Variants in SEMA5A observed in about 807,000 individuals in gnomAD.
SEMA5A encodes semaphorin-5A.
A neutral mutation model predicts 135.5 loss-of-function variants in SEMA5A; 55 were observed. That is an observed-to-expected ratio of 0.41 (90% CI 0.33 to 0.51). The LOEUF (loss-of-function observed/expected upper bound fraction) is 0.51. Among genes scored for constraint, SEMA5A ranks in the 20% least tolerant of loss-of-function variants. SEMA5A has a pLI of 0.37. For missense variants in SEMA5A, 1,290 were observed against 1,419.9 expected, an observed-to-expected ratio of 0.91 and a Z score of 1.47; for synonymous variants, 580 against 546.5, an observed-to-expected ratio of 1.06 and a Z score of -0.85.
rs569111003 is a variant in SEMA5A, at chr5:9,318,420, G to A, written c.225-3C>T. The A allele has an allele frequency of 6.2e-7, 1 of 1,610,664 alleles. No individual in the cohort carries two copies. The highest frequency in any genetic ancestry group is 1.1e-5 in the South Asian group (1 of 90,288). On this transcript the variant is annotated splice_polypyrimidine_tract_variant and splice_region_variant and intron_variant, in intron 4 of 22. Coordinates refer to ENST00000382496, the MANE Select transcript of SEMA5A (RefSeq NM_003966.3). Reference sequence around the variant, plus strand: ...GCTGTAACCTGAAGAGGTAGTTTCTGCAAAATACAAAAACAGAGCAGTTTT... The same window carrying A: ...GCTGTAACCTGAAGAGGTAGTTTCTACAAAATACAAAAACAGAGCAGTTTT...
At chr5:9,291,602 A>G (rs546536863) in intron 5 of SEMA5A, among the ~76,000 whole-genome samples, 94 of 119,016 alleles carry the variant, frequency 7.9e-4, no homozygotes, top group African/African-American at 2.4e-3. Flanking sequence ...AGAGAGAGAG[A>G]GAAAGAGAGA....
intron 2 of SEMA5A, among the ~76,000 whole-genome samples, chr5:9,408,315 A>G (rs1179888520): frequency 2.6e-5 from 4 of 152,166 alleles, no homozygotes; most frequent in Non-Finnish European, 5.9e-5. Context: ...TAATCCACTA[A>G]GGCACTCCAG....
At chr5:9,145,802 C>CTTTT (rs397935817) in intron 12 of SEMA5A, among the ~76,000 whole-genome samples, 2 of 138,888 alleles carry the variant, frequency 1.4e-5, no homozygotes, top group African/African-American at 5.4e-5. Flanking sequence ...CCACATCCAG[C>CTTTT]TTTTTTTTTT....
chr5:9,271,344 G>A (rs1206700641), intron 5 of SEMA5A, among the ~76,000 whole-genome samples: 1 of 152,072 alleles, frequency 6.6e-6, no homozygotes, highest in Non-Finnish European at 1.5e-5. Context: ...CCCATTCTCA[G>A]GTAGTTCTTT....
intron 1 of SEMA5A, among the ~76,000 whole-genome samples, chr5:9,473,379 G>A (rs1759548747): frequency 2.3e-4 from 1 of 4,362 alleles, no homozygotes; most frequent in Non-Finnish European, 4.0e-4. Flanking sequence ...ATGGCAATCA[G>A]TGGTAAAAAA....
chr5:9,066,278 G>A, intron 17 of SEMA5A, 143 bp downstream of exon 17: 1 of 740,436 alleles, frequency 1.4e-6, no homozygotes, highest in Non-Finnish European at 2.3e-6. Flanking sequence ...AGTCAGTTGT[G>A]CTCTACAGGG....
At chr5:9,398,998 T>G (rs1336825504) in intron 2 of SEMA5A, among the ~76,000 whole-genome samples, 1 of 152,212 alleles carries the variant, frequency 6.6e-6, no homozygotes, top group African/African-American at 2.4e-5. Flanking sequence ...TTTTTAACTT[T>G]GAAAAATGTG....
intron 1 of SEMA5A, among the ~76,000 whole-genome samples, chr5:9,487,155 C>A (rs1031594940): frequency 6.6e-6 from 1 of 152,024 alleles, no homozygotes; most frequent in Non-Finnish European, 1.5e-5. Context: ...TTCATTTAAG[C>A]CTAAGTAACT....
rs1735762197 is a variant in SEMA5A, at chr5:9,038,294, A to C, written c.*4603T>G. The C allele has an allele frequency of 6.6e-6, 1 of 152,208 alleles. No homozygotes were observed. Among genetic ancestry groups the C allele is most frequent in the African/African-American group, 2.4e-5 (1 of 41,452 alleles). 9.4% of individuals were successfully genotyped at this position (152,208 alleles called of 1,614,324 possible). ...CAGCCCTGCCATGTGGAAAATGGTT[A>C]TGCAGTCGCTGTTAATTTTATCAAC... On this transcript the variant is annotated 3_prime_UTR_variant, in exon 23 of 23. Coordinates refer to ENST00000382496, the MANE Select transcript of SEMA5A (RefSeq NM_003966.3).
rs1259844694 is a variant in SEMA5A, at chr5:9,273,621, A to G, written c.271-35731T>C. Among the ~76,000 whole-genome samples the G allele has an allele frequency of 2.0e-5, 3 of 152,182 alleles. No individual in the cohort carries two copies. In the East Asian group the frequency reaches 5.8e-4, roughly 29 times the overall value. The stretch of plus-strand genomic sequence containing the variant: ...TCAGGTTACCCACAAAGGGAATCCC[A>G]TCAGACTAACAGCAGATCTCGCAGC... On this transcript the variant is annotated intron_variant, in intron 5 of 22. Transcript: ENST00000382496.
chr5:9,344,043 A>G (rs1753759406), intron 3 of SEMA5A, among the ~76,000 whole-genome samples: 1 of 152,214 alleles, frequency 6.6e-6, no homozygotes, highest in African/African-American at 2.4e-5. Flanking sequence ...AAACATGCAC[A>G]TTCATAGATG....
chr5:9,404,256 T>C (rs1295600299), intron 2 of SEMA5A, among the ~76,000 whole-genome samples: 1 of 152,128 alleles, frequency 6.6e-6, no homozygotes, highest in African/African-American at 2.4e-5. Flanking sequence ...TTAAAAGAAT[T>C]ACATATGATT....
rs111542691 is a variant in SEMA5A, at chr5:9,134,946, TA to T, written c.1599+1557del. 5.8e-3 allele frequency among the ~76,000 whole-genome samples: 890 copies of T among 152,282 alleles called. 13 individuals carry two copies. Among genetic ancestry groups the T allele is most frequent in the African/African-American group, 0.02 (829 of 41,566 alleles). On this transcript the variant is annotated intron_variant, in intron 13 of 22. Coordinates refer to ENST00000382496, the MANE Select transcript of SEMA5A (RefSeq NM_003966.3). ...AACAATGACATTTTTCTAACCATTT[TA>T]AAGGGATTTTGCAGAAAAATTGGCT...
chr5:9,103,811 T>A (rs1164059424), intron 16 of SEMA5A, among the ~76,000 whole-genome samples: 1 of 152,218 alleles, frequency 6.6e-6, no homozygotes, highest in Non-Finnish European at 1.5e-5. Flanking sequence ...TCTTTCTTCC[T>A]TTCATGTGTT....
In SEMA5A at chr5:9,051,972, G is replaced by A. The variant is rs913733262; in HGVS notation, c.2746C>T (p.Arg916Cys). Reference sequence around the variant, plus strand: ...AACAGGAGGATGCACTGGCGGGCGCGGACTTGGACGCCAGAGGCTTCACAC... The same window carrying A: ...AACAGGAGGATGCACTGGCGGGCGCAGACTTGGACGCCAGAGGCTTCACAC... Reference protein sequence around the residue: ...SECEASGVQVRARQCILLFPM... With the variant: ...SECEASGVQVCARQCILLFPM... Residue 916 changes from arginine to cysteine, a missense_variant, in exon 20 of 23, where the codon CGC becomes TGC. Physicochemically the swap from Arg to Cys is radical, Grantham distance 180. This residue lies in a region of SEMA5A where 1,029 missense variants were observed against 1,086.6 expected (regional missense o/e 0.95). Coordinates refer to ENST00000382496, the MANE Select transcript of SEMA5A (RefSeq NM_003966.3). 8.1e-6 allele frequency: 13 copies of A among 1,613,598 alleles called. No homozygotes were observed. Among genetic ancestry groups the A allele is most frequent in the African/African-American group, 4.0e-5 (3 of 74,914 alleles).
intron 13 of SEMA5A, among the ~76,000 whole-genome samples, chr5:9,132,010 G>A (rs899467360): frequency 6.6e-6 from 1 of 152,128 alleles, no homozygotes; most frequent in Non-Finnish European, 1.5e-5. Context: ...ATTCTAATCA[G>A]TCTAGATATG....
At position 9,262,817 on chromosome 5, in the gene SEMA5A, A is replaced by C. The variant is rs375093050; in HGVS notation, c.271-24927T>G. ...TGCTAGATGACACGTTAGTGGGTGCAGCGCACCAGCATGGCACATGTATAC... is the reference window on the plus strand; with the variant it reads ...TGCTAGATGACACGTTAGTGGGTGCCGCGCACCAGCATGGCACATGTATAC... On this transcript the variant is annotated intron_variant, in intron 5 of 22. Coordinates refer to ENST00000382496, the MANE Select transcript of SEMA5A (RefSeq NM_003966.3). Among the ~76,000 whole-genome samples the C allele has an allele frequency of 2.8e-3, 354 of 125,122 alleles. 8 individuals carry two copies. In the East Asian group the frequency reaches 0.076, roughly 27 times the overall value. The allele number at this position is 125,122 out of a possible 152,430, so 82.1% of individuals were successfully genotyped here. A position where few individuals can be genotyped will look rare whatever the true frequency, so the allele number is the denominator to read the frequency against.
intron 11 of SEMA5A, among the ~76,000 whole-genome samples, chr5:9,181,616 C>T (rs994593991): frequency 1.3e-5 from 2 of 152,142 alleles, no homozygotes; most frequent in Non-Finnish European, 2.9e-5. Context: ...TCCTCTCCTT[C>T]CCCTTGGCTT....
chr5:9,088,659 T>TATATATATATATACACACAC lies in SEMA5A; in HGVS notation c.2073+19480_2073+19481insGTGTGTGTATATATATATAT. Among the ~76,000 whole-genome samples, 55 of 112,864 alleles carry TATATATATATATACACACAC rather than the reference T, an allele frequency of 4.9e-4. 2 individuals carry two copies. The highest frequency in any genetic ancestry group is 5.5e-4 in the African/African-American group (13 of 23,466). 74.0% of individuals were successfully genotyped at this position (112,864 alleles called of 152,430 possible). ...TATAATATATATATATATATATATA[T>TATATATATATATACACACAC]ACACACACACACTCATGGAATTCCA... is the stretch of plus-strand genomic sequence containing the variant. On this transcript the variant is annotated intron_variant, in intron 16 of 22. Transcript: ENST00000382496.
Sources: allele counts gnomAD v4.1 joint callset (sites outside exome capture counted in the v4.1 genomes callset), GRCh38; gene constraint gnomAD v4.1.1; regional missense constraint gnomAD v4.1.1; transcripts MANE v1.5; gene names NCBI Gene and HGNC (gene_info 2026-07-23, HGNC 2026-07-21).